CSNK1D: variants seen among roughly 807,000 people sequenced by gnomAD.
The protein encoded by CSNK1D is casein kinase I isoform delta.
In CSNK1D, 16 loss-of-function variants were observed where a neutral mutation model predicts 46.6. That is an observed-to-expected ratio of 0.34 (90% CI 0.23 to 0.52). The LOEUF (loss-of-function observed/expected upper bound fraction) is 0.52. CSNK1D is among the 20% of genes least tolerant of loss of function. The pLI, the probability that CSNK1D is intolerant of heterozygous loss-of-function variation, is 0.95. For synonymous variants in CSNK1D, 276 were observed against 228.2 expected (o/e 1.21, Z -1.89); for missense variants, 398 against 578.4 (o/e 0.69, Z 3.20).
rs2050786190 is a variant in CSNK1D at position 82,243,904 on chromosome 17, C to G, written c.*877G>C. 3.0e-6 allele frequency: 3 copies of G among 985,718 alleles called. No homozygotes were observed. In the African/African-American group the frequency reaches 5.2e-5, roughly 17 times the overall value. The allele number at this position is 985,718 out of a possible 1,614,324, so 61.1% of individuals were successfully genotyped here. On this transcript the variant is annotated 3_prime_UTR_variant, in exon 9 of 9. Coordinates refer to ENST00000314028, the MANE Select transcript of CSNK1D (RefSeq NM_001893.6). ...TTGAATCCTGGGACTCCCAATTGTC[C>G]TGCTAGGGTCTCAAAGCCTCTGCTT...
chr17:82,247,878 T>C (rs184486144), intron 8 of CSNK1D: 1 of 985,456 alleles, frequency 1.0e-6, no homozygotes, highest in Admixed American at 6.1e-5. Context: ...AAATTATTAG[T>C]GAATTAGAAA....
chr17:82,269,053 C>T (rs1049709725), intron 1 of CSNK1D, among the ~76,000 whole-genome samples: 6 of 148,752 alleles, frequency 4.0e-5, no homozygotes, highest in African/African-American at 1.0e-4. Context: ...GCTGAGATCG[C>T]GCCACTGCAC....
chr17:82,265,932 A>G (rs2051457285), intron 1 of CSNK1D, 136 bp from the exon 2 acceptor site: 1 of 780,148 alleles, frequency 1.3e-6, no homozygotes, highest in Non-Finnish European at 2.3e-6. Flanking sequence ...CTAGCATAGT[A>G]AGGCGGGCTA....
intron 1 of CSNK1D, 139 bp from the exon 2 acceptor site, chr17:82,265,935 G>A (rs1347463694): frequency 5.1e-6 from 4 of 779,254 alleles, no homozygotes; most frequent in Non-Finnish European, 9.2e-6. Flanking sequence ...GCATAGTAAG[G>A]CGGGCTAATC....
chr17:82,254,712 C>T (rs1489787236), intron 3 of CSNK1D: 5 of 124,282 alleles, frequency 4.0e-5, no homozygotes, highest in Admixed American at 2.8e-4. Flanking sequence ...GCTGAGCCGC[C>T]GGAGCCTCGA....
In CSNK1D at chr17:82,273,234, G is replaced by T; in HGVS notation, c.76+72C>A. 1 of 1,472,440 alleles carries T rather than the reference G, an allele frequency of 6.8e-7. No individual in the cohort carries two copies. The highest frequency in any genetic ancestry group is 2.3e-4 in the Middle Eastern group (1 of 4,280). 91.2% of individuals were successfully genotyped at this position (1,472,440 alleles called of 1,614,324 possible). Reference sequence around the variant, plus strand: ...CCCGCGGGGGCCACCACTTCCTTCCGCGATCGCGCTTGGTCTTGGCAGCCG... The same window carrying T: ...CCCGCGGGGGCCACCACTTCCTTCCTCGATCGCGCTTGGTCTTGGCAGCCG... On this transcript the variant is annotated intron_variant, in intron 1 of 8. Transcript: ENST00000314028. The surrounding 1 kb of genome is among the most constrained non-coding windows in gnomAD (Gnocchi z 5.1).
chr17:82,243,569 C>T lies in CSNK1D; in HGVS notation c.*1212G>A. 9 of 985,482 alleles carry T rather than the reference C, an allele frequency of 9.1e-6. No homozygotes were observed. The highest frequency in any genetic ancestry group is 1.1e-5 in the Non-Finnish European group (9 of 829,964). 61.0% of individuals were successfully genotyped at this position (985,482 alleles called of 1,614,324 possible). A position where few individuals can be genotyped will look rare whatever the true frequency, so the allele number is the denominator to read the frequency against. On this transcript the variant is annotated 3_prime_UTR_variant, in exon 9 of 9. Transcript: ENST00000314028. ...AACAGACACGCGCCCAACAGAAGGT[C>T]ACAGCGCAGACTCTACTTTCTGGCC...
chr17:82,239,822 G>C (rs2050715141), downstream of CSNK1D: 2 of 412,666 alleles, frequency 4.8e-6, no homozygotes, highest in Non-Finnish European at 8.3e-6. Context: ...CAGTGTGCGT[G>C]GTGTGGTCAG....
intron 8 of CSNK1D, chr17:82,246,207 C>T (rs764226648): frequency 2.1e-4 from 327 of 1,521,238 alleles, no homozygotes; most frequent in Non-Finnish European, 2.8e-4. Flanking sequence ...CCTCTCAGGA[C>T]GGGCCTCTGG....
Position 82,249,917 on chromosome 17 carries a change from C to T in CSNK1D, c.886-315G>A. On this transcript the variant is annotated intron_variant, in intron 6 of 8. Transcript: ENST00000314028. The surrounding 1 kb of genome is among the most constrained non-coding windows in gnomAD (Gnocchi z 6.7). ...TACCCCCTGCTGCTCTGTGAACATG[C>T]TCACTAACACGTGCAGAAAGAGGAG... The T allele has an allele frequency of 1.5e-6, 2 of 1,326,372 alleles. No individual in the cohort carries two copies. The highest frequency in any genetic ancestry group is 1.9e-6 in the Non-Finnish European group (2 of 1,029,630). The allele number at this position is 1,326,372 out of a possible 1,614,324, so 82.2% of individuals were successfully genotyped here.
rs1352181494 is a variant in CSNK1D, at chr17:82,246,244, G to A, written c.1198-1413C>T. On this transcript the variant is annotated intron_variant, in intron 8 of 8. Transcript: ENST00000314028. ...TGAGAGTGGTGCCCACTCCTCTTCT[G>A]GAATCACTTGCTCTTAAGGCCAACA... 9.5e-6 allele frequency: 14 copies of A among 1,475,348 alleles called. No homozygotes were observed. The East Asian group carries it at 3.6e-4, about 37-fold the overall frequency. The allele number at this position is 1,475,348 out of a possible 1,614,324, so 91.4% of individuals were successfully genotyped here.
At chr17:82,259,866 A>G (rs1054675352) in intron 2 of CSNK1D, among the ~76,000 whole-genome samples, 5 of 152,266 alleles carry the variant, frequency 3.3e-5, no homozygotes, top group Admixed American at 3.3e-4. Context: ...TCAAAAGACT[A>G]TGTGGCATGG....
At chr17:82,239,094 C>A, downstream of CSNK1D, 1 of 1,015,110 alleles carries the variant, frequency 9.9e-7, no homozygotes, top group Middle Eastern at 3.3e-4. Context: ...AGCTGCCGGC[C>A]CAGCGGATCG....
At chr17:82,265,192 TG>T (rs569012693) in intron 2 of CSNK1D, 3 of 192,686 alleles carry the variant, frequency 1.6e-5, no homozygotes, top group African/African-American at 2.4e-5. Flanking sequence ...TTTTTTTTTT[TG>T]GGGGGGACAG....
intron 8 of CSNK1D, chr17:82,245,247 G>A: frequency 2.9e-6 from 1 of 345,050 alleles, no homozygotes; most frequent in South Asian, 2.6e-5. Flanking sequence ...GGGTCTCCCA[G>A]CGGCACAGAC....
intron 8 of CSNK1D, chr17:82,245,334 G>A (rs894084778): frequency 1.5e-5 from 4 of 270,020 alleles, no homozygotes; most frequent in South Asian, 1.2e-4. Context: ...CAGCGTGGAC[G>A]CCGGCCATGC....
At position 82,243,663 on chromosome 17, in the gene CSNK1D, T is replaced by A. The variant is rs1445750463; in HGVS notation, c.*1118A>T. 2.0e-6 allele frequency: 2 copies of A among 985,398 alleles called. No individual in the cohort carries two copies. Among genetic ancestry groups the A allele is most frequent in the Non-Finnish European group, 2.4e-6 (2 of 829,984 alleles). The allele number at this position is 985,398 out of a possible 1,614,324, so 61.0% of individuals were successfully genotyped here. ...CACCTCAGGGTGGGTCCTTCTGGCCTGCCGGCTTTTCTGAGCTAGTCTTGG... is the reference window on the plus strand; with the variant it reads ...CACCTCAGGGTGGGTCCTTCTGGCCAGCCGGCTTTTCTGAGCTAGTCTTGG... On this transcript the variant is annotated 3_prime_UTR_variant, in exon 9 of 9. Transcript: ENST00000314028.
chr17:82,273,727 G>C, upstream of CSNK1D: 1 of 489,140 alleles, frequency 2.0e-6, no homozygotes, highest in Non-Finnish European at 3.6e-6. The surrounding 1 kb of genome is among the most constrained non-coding windows in gnomAD (Gnocchi z 5.1). Context: ...GCAACCCGGC[G>C]GGGCGGGGCC....
At chr17:82,242,212 TG>T (rs546603907), downstream of CSNK1D, among the ~76,000 whole-genome samples, 12,762 of 85,128 alleles carry the variant, frequency 0.15, 1,238 homozygotes, top group African/African-American at 0.35. Flanking sequence ...CTGTGTGCTC[TG>T]GGGGGGGGGG....
Sources: gnomAD v4.1 joint callset for allele counts (sites outside exome capture counted in the v4.1 genomes callset) on GRCh38, gnomAD v4.1.1 for gene constraint, Gnocchi (gnomAD v3.1) non-coding constraint, MANE v1.5 for transcripts, NCBI Gene and HGNC (gene_info 2026-07-23, HGNC 2026-07-21) for gene names.